Variants in SHISA6 observed in about 807,000 individuals in gnomAD.
SHISA6 encodes protein shisa-6.
A neutral mutation model predicts 47.9 loss-of-function variants in SHISA6; 22 were observed. That is an observed-to-expected ratio of 0.46 (90% confidence interval 0.33 to 0.66). The LOEUF (loss-of-function observed/expected upper bound fraction) is 0.66. Among genes scored for constraint, SHISA6 ranks in the 30% least tolerant of loss-of-function variants. The pLI, the probability that SHISA6 is intolerant of heterozygous loss-of-function variation, is 0.02. For synonymous variants in SHISA6, 388 were observed against 337.8 expected, an observed-to-expected ratio of 1.15 and a Z score of -1.63; for missense variants, 680 against 764.6, an observed-to-expected ratio of 0.89 and a Z score of 1.30.
chr17:11,379,328 A>C (rs938834025), intron 2 of SHISA6, 86 bp from the exon 3 acceptor site: 6 of 919,816 alleles, frequency 6.5e-6, no homozygotes, highest in Middle Eastern at 2.2e-4. Flanking sequence ...CATGCACGCC[A>C]TCACTGTTGG....
chr17:11,319,182 G>A (rs920445597), intron 2 of SHISA6, among the ~76,000 whole-genome samples: 3 of 150,526 alleles, frequency 2.0e-5, no homozygotes, highest in Non-Finnish European at 4.4e-5. Context: ...GGGTTCAATC[G>A]ATTCTCCTGC....
chr17:11,393,715 TC>T (rs993666044), intron 3 of SHISA6, among the ~76,000 whole-genome samples: 90 of 152,322 alleles, frequency 5.9e-4, no homozygotes, highest in African/African-American at 2.1e-3. Context: ...CTTCTTTCAT[TC>T]CTCTATTCTG....
chr17:11,304,954 T>A (rs1191528100), intron 2 of SHISA6, among the ~76,000 whole-genome samples: 1 of 152,192 alleles, frequency 6.6e-6, no homozygotes, highest in African/African-American at 2.4e-5. Flanking sequence ...TCAGACCGCA[T>A]GTTTCGATGC....
intron 1 of SHISA6, among the ~76,000 whole-genome samples, chr17:11,253,810 G>T (rs1003824312): frequency 6.6e-6 from 1 of 151,966 alleles, no homozygotes; most frequent in Non-Finnish European, 1.5e-5. Context: ...TATAAACTTC[G>T]CCACATCCTT....
chr17:11,406,985 C>G (rs180739253), intron 3 of SHISA6, among the ~76,000 whole-genome samples: 35 of 152,134 alleles, frequency 2.3e-4, no homozygotes, highest in East Asian at 2.1e-3. Context: ...ATAATTATGG[C>G]AGAAGTCTAA....
At chr17:11,278,961 G>A (rs914238989) in intron 2 of SHISA6, among the ~76,000 whole-genome samples, 1 of 152,294 alleles carries the variant, frequency 6.6e-6, no homozygotes, top group Middle Eastern at 3.4e-3. Context: ...AGAGGCTGGG[G>A]TGCACTTCGG....
At chr17:11,522,111 A>G (rs1401622973) in intron 3 of SHISA6, among the ~76,000 whole-genome samples, 1 of 151,640 alleles carries the variant, frequency 6.6e-6, no homozygotes, top group African/African-American at 2.4e-5. Flanking sequence ...GACTACAGGC[A>G]CCCACCACCA....
At chr17:11,493,962 C>G (rs2071387811) in intron 3 of SHISA6, among the ~76,000 whole-genome samples, 1 of 151,382 alleles carries the variant, frequency 6.6e-6, no homozygotes, top group Non-Finnish European at 1.5e-5. Flanking sequence ...TCATTTGAGT[C>G]AAAAATTATT....
intron 3 of SHISA6, among the ~76,000 whole-genome samples, chr17:11,439,915 A>G (rs1915052933): frequency 6.6e-6 from 1 of 152,064 alleles, no homozygotes; most frequent in Non-Finnish European, 1.5e-5. Flanking sequence ...TTCACTCTCT[A>G]TTTTAATTTG....
intron 2 of SHISA6, among the ~76,000 whole-genome samples, chr17:11,305,168 A>G (rs1235804327): frequency 1.3e-5 from 2 of 152,136 alleles, no homozygotes. Flanking sequence ...TTCCTCTTAC[A>G]AAAAGCAGGG....
intron 2 of SHISA6, among the ~76,000 whole-genome samples, chr17:11,332,243 GAA>G (rs145476135): frequency 0.023 from 3,405 of 149,610 alleles, 47 homozygotes; most frequent in Middle Eastern, 0.062. Flanking sequence ...CAGCGTTGGG[GAA>G]AAAAAAAAAA....
intron 3 of SHISA6, among the ~76,000 whole-genome samples, chr17:11,468,829 T>C (rs1915868833): frequency 1.3e-5 from 2 of 151,946 alleles, no homozygotes; most frequent in African/African-American, 4.8e-5. Flanking sequence ...GAGGCCAGCC[T>C]GGCCAACATG....
chr17:11,545,858 G>A (rs1391003981), intron 3 of SHISA6, among the ~76,000 whole-genome samples: 2 of 152,162 alleles, frequency 1.3e-5, no homozygotes, highest in Non-Finnish European at 2.9e-5. Flanking sequence ...TTACAACTTG[G>A]CAGCTGGAAT....
intron 3 of SHISA6, among the ~76,000 whole-genome samples, chr17:11,430,292 G>T (rs1197162909): frequency 1.3e-5 from 2 of 152,174 alleles, no homozygotes; most frequent in African/African-American, 4.8e-5. Context: ...GAGGCCACGA[G>T]ACTGGTTGTG....
chr17:11,351,581 A>G (rs16944630), intron 2 of SHISA6, among the ~76,000 whole-genome samples: 103 of 152,170 alleles, frequency 6.8e-4, no homozygotes, highest in African/African-American at 2.2e-3. Context: ...TTAATCATGT[A>G]TTCATTACAG....
intron 2 of SHISA6, among the ~76,000 whole-genome samples, chr17:11,350,157 A>AATTT (rs542515657): frequency 0.067 from 8,540 of 128,184 alleles, 449 homozygotes; most frequent in South Asian, 0.14. Flanking sequence ...ATGCCCGGCT[A>AATTT]ATTTATTTAT....
chr17:11,309,726 C>G (rs138242362), intron 2 of SHISA6, among the ~76,000 whole-genome samples: 1 of 152,168 alleles, frequency 6.6e-6, no homozygotes, highest in Non-Finnish European at 1.5e-5. Context: ...TGCTTTGCCC[C>G]GGCTTTGTGT....
At chr17:11,481,493 GTTTGT>G (rs1056876761) in intron 3 of SHISA6, among the ~76,000 whole-genome samples, 6 of 81,914 alleles carry the variant, frequency 7.3e-5, no homozygotes, top group South Asian at 3.5e-4. Flanking sequence ...ACAAACTGAA[GTTTGT>G]TTTTTTTTTT....
In SHISA6 at chr17:11,508,777, T is replaced by A; in HGVS notation, c.896-43119T>A. Among the ~76,000 whole-genome samples the A allele has an allele frequency of 1.4e-5, 2 of 138,830 alleles. 1 individual carries two copies. The highest frequency in any genetic ancestry group is 3.1e-5 in the Non-Finnish European group (2 of 63,734). The allele number at this position is 138,830 out of a possible 152,430, so 91.1% of individuals were successfully genotyped here. ...TTAGTGACTCTGTACCATGCACTCC[T>A]TTAGGTATTAGGGCTATAATCAGTG... On this transcript the variant is annotated intron_variant, in intron 3 of 5. Coordinates refer to ENST00000441885, the MANE Select transcript of SHISA6 (RefSeq NM_207386.4).
Sources: allele counts gnomAD v4.1 joint callset (sites outside exome capture counted in the v4.1 genomes callset), GRCh38; gene constraint gnomAD v4.1.1; transcripts MANE v1.5; gene names NCBI Gene and HGNC (gene_info 2026-07-23, HGNC 2026-07-21).